DSE: variants seen among roughly 807,000 people sequenced by gnomAD.
The protein encoded by DSE is dermatan sulfate epimerase, also known as dermatan-sulfate epimerase.
In DSE, 36 loss-of-function variants were observed where a neutral mutation model predicts 84.4. The observed-to-expected ratio is 0.43, with a 90% CI of 0.33 to 0.56. DSE has a LOEUF of 0.56. Ranked by LOEUF, DSE falls within the 20% of genes least tolerant of loss-of-function variation. The pLI is 0.06. For missense variants in DSE, 862 were observed against 1,169.6 expected (o/e 0.74, Z 3.84); for synonymous variants, 410 against 430.1 (o/e 0.95, Z 0.58).
chr6:116,411,930 T>C (rs1000656073), intron 2 of DSE, among the ~76,000 whole-genome samples: 2 of 152,240 alleles, frequency 1.3e-5, no homozygotes, highest in African/African-American at 4.8e-5. Flanking sequence ...AACTGGGGAA[T>C]GTGTTTAATG....
At chr6:116,286,591 A>T (rs912870224) in intron 2 of DSE, among the ~76,000 whole-genome samples, 1 of 152,194 alleles carries the variant, frequency 6.6e-6, no homozygotes, top group African/African-American at 2.4e-5. Flanking sequence ...TACACAGGTA[A>T]ATAGAAAAAC....
chr6:116,280,132 C>T, intron 2 of DSE: 2 of 464,864 alleles, frequency 4.3e-6, no homozygotes, highest in East Asian at 4.7e-5. Flanking sequence ...GGACGACCCA[C>T]CTTGAGATGC....
chr6:116,279,663 G>A (rs754404235), intron 2 of DSE: 2 of 1,607,224 alleles, frequency 1.2e-6, no homozygotes, highest in South Asian at 2.2e-5. Flanking sequence ...GGAGCGCGAC[G>A]GTCTCCGAGC....
chr6:116,333,419 T>C (rs1459523162), intron 2 of DSE, among the ~76,000 whole-genome samples: 1 of 152,138 alleles, frequency 6.6e-6, no homozygotes, highest in Non-Finnish European at 1.5e-5. Context: ...AGGGCCAAAC[T>C]CCTGAGATAA....
intron 2 of DSE, among the ~76,000 whole-genome samples, chr6:116,335,864 G>A (rs1777217520): frequency 6.6e-6 from 1 of 152,180 alleles, no homozygotes; most frequent in Non-Finnish European, 1.5e-5. Flanking sequence ...TGAATCTCCT[G>A]TTTTCAGGAA....
intron 1 of DSE, among the ~76,000 whole-genome samples, chr6:116,380,879 A>G (rs1562268005): frequency 6.6e-6 from 1 of 152,172 alleles, no homozygotes; most frequent in Non-Finnish European, 1.5e-5. Flanking sequence ...TGAAATCTGT[A>G]CACATTCTTA....
chr6:116,367,350 A>T (rs1779222879), upstream of DSE: 1 of 152,262 alleles, frequency 6.6e-6, no homozygotes, highest in Non-Finnish European at 1.5e-5. Flanking sequence ...GGCCTGAGGA[A>T]GAAAAACAAA....
chr6:116,385,341 T>G (rs1780514990), intron 1 of DSE, among the ~76,000 whole-genome samples: 1 of 152,188 alleles, frequency 6.6e-6, no homozygotes, highest in Non-Finnish European at 1.5e-5. Flanking sequence ...CTCTGGCTTC[T>G]ATGTGGAGAA....
At chr6:116,327,292 G>A (rs1012343556) in intron 2 of DSE, among the ~76,000 whole-genome samples, 4 of 152,162 alleles carry the variant, frequency 2.6e-5, no homozygotes, top group Non-Finnish European at 5.9e-5. Context: ...AAGACTTTAC[G>A]AGATTATTTC....
chr6:116,413,799 G>A (rs1782530120), intron 2 of DSE, among the ~76,000 whole-genome samples: 2 of 152,184 alleles, frequency 1.3e-5, no homozygotes, highest in Admixed American at 1.3e-4. Context: ...TTTCACGTAT[G>A]CTAGCTCCTC....
At chr6:116,390,856 A>G (rs1024436529) in intron 1 of DSE, among the ~76,000 whole-genome samples, 1 of 152,182 alleles carries the variant, frequency 6.6e-6, no homozygotes, top group African/African-American at 2.4e-5. Context: ...CCTCCATGAA[A>G]ATAATACAGA....
At chr6:116,378,917 T>C (rs1780074328) in intron 1 of DSE, among the ~76,000 whole-genome samples, 1 of 152,158 alleles carries the variant, frequency 6.6e-6, no homozygotes, top group Non-Finnish European at 1.5e-5. Context: ...ATCAGTCATG[T>C]GATTAAAATA....
intron 2 of DSE, among the ~76,000 whole-genome samples, chr6:116,265,356 G>A (rs1443480121): frequency 2.0e-5 from 3 of 152,098 alleles, no homozygotes; most frequent in Non-Finnish European, 4.4e-5. Context: ...CAAGGGTGGG[G>A]TGCTGGCAGG....
At position 116,435,741 on chromosome 6, in the gene DSE, C is replaced by CGT; in HGVS notation, c.1275_1276dup (p.Ala426ValfsTer60). 6.2e-7 allele frequency: 1 copy of CGT among 1,613,954 alleles called. No individual in the cohort carries two copies. Among genetic ancestry groups the CGT allele is most frequent in the Non-Finnish European group, 8.5e-7 (1 of 1,179,980 alleles). On this transcript the variant is annotated frameshift_variant, in exon 6 of 6. Coordinates refer to ENST00000644252, the MANE Select transcript of DSE (RefSeq NM_013352.4). LOFTEE classifies it high-confidence loss of function. ...CTTCAAGTCTGGAAAACTGGGGGGA[C>CGT]GTGCAATATATGACATTGTCCACAG...
At chr6:116,376,089 C>T (rs1313037352) in intron 1 of DSE, among the ~76,000 whole-genome samples, 3 of 152,208 alleles carry the variant, frequency 2.0e-5, no homozygotes, top group Admixed American at 2.0e-4. Context: ...CCTTTTACTA[C>T]TCACTACTCC....
At chr6:116,403,435 A>G (rs1463295055) in intron 2 of DSE, among the ~76,000 whole-genome samples, 2 of 151,564 alleles carry the variant, frequency 1.3e-5, no homozygotes, top group African/African-American at 2.4e-5. Flanking sequence ...ATAAAATTTA[A>G]TAATTTTAAT....
intron 2 of DSE, among the ~76,000 whole-genome samples, chr6:116,296,421 T>C (rs1774669543): frequency 6.6e-6 from 1 of 152,192 alleles, no homozygotes; most frequent in Admixed American, 6.5e-5. Context: ...AATCCCTGCC[T>C]ATTAGGAGTT....
intron 2 of DSE, chr6:116,279,817 T>C (rs1465014397): frequency 1.2e-6 from 2 of 1,613,030 alleles, no homozygotes; most frequent in Non-Finnish European, 1.7e-6. Flanking sequence ...CTTGACCCCA[T>C]CCAGGCCGCT....
intron 2 of DSE, among the ~76,000 whole-genome samples, chr6:116,319,892 T>A (rs1054966355): frequency 1.3e-5 from 2 of 152,216 alleles, no homozygotes; most frequent in East Asian, 1.9e-4. Context: ...CCCACTATTC[T>A]ATAAGCTGAA....
Sources: allele counts gnomAD v4.1 joint callset (sites outside exome capture counted in the v4.1 genomes callset), GRCh38; gene constraint gnomAD v4.1.1; transcripts MANE v1.5; gene names NCBI Gene and HGNC (gene_info 2026-07-23, HGNC 2026-07-21).